GABRR2: variants seen among roughly 807,000 people sequenced by gnomAD.
GABRR2 encodes the protein gamma-aminobutyric acid type A receptor subunit rho2, also known as gamma-aminobutyric acid receptor subunit rho-2.
In GABRR2, 36 loss-of-function variants were observed where a neutral mutation model predicts 47.0. That is an observed-to-expected ratio of 0.77 (90% confidence interval 0.59 to 1.01). The LOEUF is 1.01. Ranked by LOEUF, GABRR2 falls within the 50% of genes least tolerant of loss-of-function variation. The pLI is 0.00. For missense variants in GABRR2, 587 were observed against 594.6 expected, an observed-to-expected ratio of 0.99 and a Z score of 0.13; for synonymous variants, 204 against 227.5, an observed-to-expected ratio of 0.90 and a Z score of 0.93.
intron 2 of GABRR2, among the ~76,000 whole-genome samples, chr6:89,282,649 A>T (rs143142728): frequency 6.6e-6 from 1 of 152,366 alleles, no homozygotes; most frequent in African/African-American, 2.4e-5. Flanking sequence ...TTTGGGAGAA[A>T]GTGTGGCAAG....
At chr6:89,306,285 A>T (rs972607011) in intron 1 of GABRR2, among the ~76,000 whole-genome samples, 1 of 152,074 alleles carries the variant, frequency 6.6e-6, no homozygotes, top group Non-Finnish European at 1.5e-5. Context: ...GCTGAGACAG[A>T]AGGATCACTT....
chr6:89,300,371 A>G (rs1325405244), intron 1 of GABRR2, among the ~76,000 whole-genome samples: 2 of 152,050 alleles, frequency 1.3e-5, no homozygotes, highest in Non-Finnish European at 2.9e-5. Context: ...TTAGCTGGGC[A>G]TGGTGGCACA....
rs565907307 is a variant in GABRR2 at position 89,255,102 on chromosome 6, A to G, written c.*2568T>C. ...TATATTTAATGACAATAGAATTATC[A>G]TTCTTCGAGCAGCACTGTGGCCTGG... On this transcript the variant is annotated 3_prime_UTR_variant, in exon 9 of 9. Coordinates refer to ENST00000402938, the MANE Select transcript of GABRR2 (RefSeq NM_002043.5). 3.9e-5 allele frequency among the ~76,000 whole-genome samples: 6 copies of G among 152,220 alleles called. No homozygotes were observed. The highest frequency in any genetic ancestry group is 5.9e-5 in the Non-Finnish European group (4 of 68,044).
intron 8 of GABRR2, among the ~76,000 whole-genome samples, chr6:89,259,219 C>G (rs985731707): frequency 2.0e-4 from 30 of 152,158 alleles, no homozygotes; most frequent in African/African-American, 6.3e-4. Context: ...TGACCTGGCT[C>G]TCAGCCCTTC....
At chr6:89,290,894 C>T (rs35048568) in intron 2 of GABRR2, among the ~76,000 whole-genome samples, 41,767 of 152,002 alleles carry the variant, frequency 0.27, 5,864 homozygotes, top group Middle Eastern at 0.37. Context: ...CCTCCTCTCA[C>T]ACTCAGGCCT....
chr6:89,288,260 T>G (rs1307372861), intron 2 of GABRR2, among the ~76,000 whole-genome samples: 133 of 128,030 alleles, frequency 1.0e-3, no homozygotes, highest in African/African-American at 1.4e-3. Context: ...GCATCTGGGG[T>G]GGGGTGGGGG....
chr6:89,304,543 C>T (rs2127849107), intron 1 of GABRR2, among the ~76,000 whole-genome samples: 1 of 148,970 alleles, frequency 6.7e-6, no homozygotes, highest in Non-Finnish European at 1.5e-5. Context: ...GAGCTGAGAT[C>T]GTGCCACTAC....
At chr6:89,305,180 C>T (rs961430849) in intron 1 of GABRR2, among the ~76,000 whole-genome samples, 1 of 152,004 alleles carries the variant, frequency 6.6e-6, no homozygotes, top group African/African-American at 2.4e-5. Context: ...CATGGCAAAA[C>T]CCTGTCTCTA....
intron 2 of GABRR2, among the ~76,000 whole-genome samples, chr6:89,277,362 T>C (rs1774179472): frequency 6.6e-6 from 1 of 152,202 alleles, no homozygotes; most frequent in Non-Finnish European, 1.5e-5. Context: ...CTTTCCTTTA[T>C]AAATTACCCA....
intron 1 of GABRR2, among the ~76,000 whole-genome samples, chr6:89,300,473 C>A (rs116567055): frequency 6.6e-6 from 1 of 151,014 alleles, no homozygotes; most frequent in East Asian, 1.9e-4. Context: ...TTGCGCCACC[C>A]GGGTGATAGA....
intron 2 of GABRR2, among the ~76,000 whole-genome samples, chr6:89,292,006 A>G (rs1342187053): frequency 3.9e-5 from 6 of 152,026 alleles, no homozygotes; most frequent in Non-Finnish European, 7.4e-5. Flanking sequence ...TGCCCTTCCA[A>G]CTAGAGCATA....
At chr6:89,297,312 C>A (rs931337755) in intron 2 of GABRR2, among the ~76,000 whole-genome samples, 1 of 152,076 alleles carries the variant, frequency 6.6e-6, no homozygotes, top group Non-Finnish European at 1.5e-5. Context: ...GTGCCTATGC[C>A]GCCTAATGAA....
chr6:89,274,401 A>G (rs1774117231), intron 2 of GABRR2, among the ~76,000 whole-genome samples: 1 of 152,108 alleles, frequency 6.6e-6, no homozygotes, highest in African/African-American at 2.4e-5. Context: ...GGCCCTTCCC[A>G]ACCTAGATTT....
chr6:89,314,142 T>A (rs536299987), intron 1 of GABRR2, among the ~76,000 whole-genome samples: 21 of 152,222 alleles, frequency 1.4e-4, no homozygotes, highest in Non-Finnish European at 2.4e-4. Context: ...TTCAAAAACT[T>A]GTCATTGACA....
intron 2 of GABRR2, among the ~76,000 whole-genome samples, chr6:89,285,588 A>T (rs1360798751): frequency 6.6e-6 from 1 of 152,114 alleles, no homozygotes; most frequent in Non-Finnish European, 1.5e-5. Context: ...GCTCCTCCCC[A>T]GGCCTGATGA....
chr6:89,296,520 G>A (rs185395316), intron 2 of GABRR2, among the ~76,000 whole-genome samples: 12 of 152,332 alleles, frequency 7.9e-5, no homozygotes, highest in South Asian at 2.1e-4. Flanking sequence ...CACCTATACT[G>A]TGGTGGCTGA....
intron 1 of GABRR2, chr6:89,302,583 T>G (rs1278082882): frequency 9.4e-7 from 1 of 1,066,462 alleles, no homozygotes; most frequent in Non-Finnish European, 1.4e-6. Context: ...ATGCCAGGCA[T>G]GAAGCCCGGG....
intron 3 of GABRR2, 156 bp from the exon 4 acceptor site, chr6:89,269,390 G>T: frequency 1.6e-6 from 1 of 633,030 alleles, no homozygotes; most frequent in Non-Finnish European, 2.8e-6. Context: ...GCACTGTGCA[G>T]TTGGAAAGAG....
chr6:89,315,101 T>A lies in GABRR2; in HGVS notation c.65A>T (p.Lys22Ile). The A allele has an allele frequency of 6.2e-7, 1 of 1,613,956 alleles. No individual in the cohort carries two copies. Among genetic ancestry groups the A allele is most frequent in the South Asian group, 1.1e-5 (1 of 91,072 alleles). The change falls in exon 1 of 9, where the codon AAA (lysine) becomes ATA (isoleucine). Residue 22 changes from lysine to isoleucine, a missense_variant. Coordinates refer to ENST00000402938, the MANE Select transcript of GABRR2 (RefSeq NM_002043.5). ...CCCTGTCCATCGCTTCCTCTTGGGT[T>A]TTCTGCTCTCCACGAGAACCATCAA... Reference protein sequence around the residue: ...FCLMVLVESRKPKRKRWTGQV... With the variant: ...FCLMVLVESRIPKRKRWTGQV...
Sources: gnomAD v4.1 joint callset for allele counts (sites outside exome capture counted in the v4.1 genomes callset) on GRCh38, gnomAD v4.1.1 for gene constraint, MANE v1.5 for transcripts, NCBI Gene and HGNC (gene_info 2026-07-23, HGNC 2026-07-21) for gene names.